The following SPAG16 variants were observed in gnomAD, a reference collection of about 807,000 sequenced individuals.
SPAG16 encodes the protein sperm associated antigen 16.
Under a neutral mutation model 80.4 loss-of-function variants are expected in SPAG16, and 86 were observed. The observed-to-expected ratio is 1.07, with a 90% CI of 0.90 to 1.28. SPAG16 has a LOEUF of 1.28. Among genes scored for constraint, SPAG16 ranks in the 50% most tolerant of loss-of-function variants. The pLI is 0.00. For synonymous variants in SPAG16, 294 were observed against 265.9 expected (o/e 1.11, Z -1.03); for missense variants, 870 against 765.3 (o/e 1.14, Z -1.61).
At chr2:213,716,723 T>C (rs1182692576) in intron 10 of SPAG16, among the ~76,000 whole-genome samples, 20 of 152,212 alleles carry the variant, frequency 1.3e-4, no homozygotes, top group Admixed American at 1.3e-3. Flanking sequence ...CTACACTTTT[T>C]AGATCTTGAG....
At chr2:213,442,725 A>G (rs2071046975) in intron 9 of SPAG16, among the ~76,000 whole-genome samples, 1 of 152,198 alleles carries the variant, frequency 6.6e-6, no homozygotes, top group African/African-American at 2.4e-5. Context: ...GTAAAAAAAT[A>G]AATCTAGACA....
intron 15 of SPAG16, among the ~76,000 whole-genome samples, chr2:214,154,165 C>T (rs955066215): frequency 1.3e-5 from 2 of 152,174 alleles, no homozygotes; most frequent in African/African-American, 2.4e-5. Context: ...AATGGAATTG[C>T]GTAGTGAAAG....
intron 12 of SPAG16, among the ~76,000 whole-genome samples, chr2:213,987,168 C>A (rs2046055990): frequency 6.6e-6 from 1 of 152,034 alleles, no homozygotes; most frequent in African/African-American, 2.4e-5. Context: ...TTAATTCATA[C>A]ATGTATTTGT....
chr2:213,566,162 T>C (rs1317852610), intron 10 of SPAG16, among the ~76,000 whole-genome samples: 1 of 151,986 alleles, frequency 6.6e-6, no homozygotes, highest in Admixed American at 6.6e-5. Flanking sequence ...AAGGAGGAGG[T>C]AATTAAACAA....
intron 13 of SPAG16, among the ~76,000 whole-genome samples, chr2:214,027,015 A>G (rs1011694969): frequency 6.6e-6 from 1 of 151,598 alleles, no homozygotes; most frequent in African/African-American, 2.4e-5. Flanking sequence ...TCTGTTTCAA[A>G]GAAACTTTAT....
At chr2:214,291,317 T>TTC in intron 15 of SPAG16, among the ~76,000 whole-genome samples, 1 of 133,380 alleles carries the variant, frequency 7.5e-6, no homozygotes, top group Non-Finnish European at 1.6e-5. Context: ...TTTTTTTTTT[T>TTC]TTTTTTGAGA....
intron 9 of SPAG16, among the ~76,000 whole-genome samples, chr2:213,384,992 G>A (rs1473118649): frequency 6.6e-6 from 1 of 152,108 alleles, no homozygotes; most frequent in Non-Finnish European, 1.5e-5. Context: ...TTTCTCAGGA[G>A]TCTATAATCT....
At chr2:213,992,010 G>A (rs577076928) in intron 12 of SPAG16, among the ~76,000 whole-genome samples, 70 of 151,922 alleles carry the variant, frequency 4.6e-4, no homozygotes, top group African/African-American at 1.4e-3. Flanking sequence ...GTGTCACATC[G>A]GACTTCAAAA....
intron 10 of SPAG16, among the ~76,000 whole-genome samples, chr2:213,587,811 C>A (rs750087864): frequency 9.2e-5 from 14 of 152,226 alleles, no homozygotes; most frequent in Non-Finnish European, 1.5e-4. Context: ...CCACAAAATA[C>A]TGGGACTCAA....
chr2:214,273,304 C>T (rs902809479), intron 15 of SPAG16, among the ~76,000 whole-genome samples: 12 of 152,160 alleles, frequency 7.9e-5, no homozygotes, highest in Admixed American at 7.2e-4. Context: ...AATCAGATCC[C>T]ATTTGTCTAT....
intron 15 of SPAG16, among the ~76,000 whole-genome samples, chr2:214,223,861 G>C (rs1168749973): frequency 1.3e-5 from 2 of 152,144 alleles, no homozygotes; most frequent in East Asian, 3.9e-4. Context: ...GTGGTGATCA[G>C]AAGAGGGCAT....
intron 10 of SPAG16, among the ~76,000 whole-genome samples, chr2:213,571,962 TCC>T (rs1351119045): frequency 1.5e-5 from 2 of 130,256 alleles, no homozygotes. Context: ...TCTCTAAACT[TCC>T]CTTCTCGCTT....
intron 10 of SPAG16, among the ~76,000 whole-genome samples, chr2:213,724,783 AAAAAAAAAAAAAAAAAAAG>A (rs1489493889): frequency 6.1e-5 from 8 of 131,730 alleles, no homozygotes; most frequent in South Asian, 5.4e-4. Context: ...TCTCAAAAAA[AAAAAAAAAAAAAAAAAAAG>A]AAAAAAGGAT....
At chr2:213,863,713 T>C (rs2075575952) in intron 11 of SPAG16, among the ~76,000 whole-genome samples, 1 of 152,122 alleles carries the variant, frequency 6.6e-6, no homozygotes, top group Admixed American at 6.5e-5. Flanking sequence ...CAATCGCTTA[T>C]GTAGCTACTG....
At chr2:214,004,219 G>A (rs2046925246) in intron 12 of SPAG16, among the ~76,000 whole-genome samples, 2 of 152,196 alleles carry the variant, frequency 1.3e-5, no homozygotes, top group Admixed American at 1.3e-4. Flanking sequence ...TACTGCTGCA[G>A]AAGGGAAGAG....
chr2:214,337,839 A>G lies in SPAG16; in HGVS notation c.1721-72301A>G, dbSNP rs1326060435. On this transcript the variant is annotated intron_variant, in intron 15 of 15. Coordinates refer to ENST00000331683, the MANE Select transcript of SPAG16 (RefSeq NM_024532.5). The stretch of plus-strand genomic sequence containing the variant: ...TCTTTTATCTTCTTTTTTTAGGCTT[A>G]GTGTTAAATATTTCTACTTGAAAAC... 2.0e-5 allele frequency among the ~76,000 whole-genome samples: 3 copies of G among 152,148 alleles called. No homozygotes were observed. In the East Asian group the frequency reaches 5.8e-4, roughly 29 times the overall value.
intron 9 of SPAG16, among the ~76,000 whole-genome samples, chr2:213,405,303 C>T (rs11691151): frequency 0.29 from 44,707 of 151,768 alleles, 7,048 homozygotes; most frequent in African/African-American, 0.35. Context: ...TAATTTAATC[C>T]ATGGAGGAAA....
chr2:213,865,122 A>G (rs1194466139), intron 11 of SPAG16, among the ~76,000 whole-genome samples: 1 of 152,088 alleles, frequency 6.6e-6, no homozygotes, highest in Non-Finnish European at 1.5e-5. Context: ...AGAAGAATTA[A>G]CATGGTAGTA....
At chr2:213,884,695 A>T (rs2076487169) in intron 11 of SPAG16, among the ~76,000 whole-genome samples, 1 of 152,150 alleles carries the variant, frequency 6.6e-6, no homozygotes, top group Non-Finnish European at 1.5e-5. Flanking sequence ...TTCATGTTTT[A>T]AAATTGTTTA....
Sources: gnomAD v4.1 joint callset for allele counts (sites outside exome capture counted in the v4.1 genomes callset) on GRCh38, gnomAD v4.1.1 for gene constraint, MANE v1.5 for transcripts, NCBI Gene and HGNC (gene_info 2026-07-23, HGNC 2026-07-21) for gene names.